Variants in CUX1 observed in about 807,000 individuals in gnomAD.
The protein encoded by CUX1 is protein CASP.
A neutral mutation model predicts 158.8 loss-of-function variants in CUX1; 31 were observed. The ratio of observed to expected loss-of-function variants is 0.20; its 90% CI spans 0.15 to 0.26. The LOEUF (loss-of-function observed/expected upper bound fraction) is 0.26, where lower values mean the gene tolerates loss of function less well. Ranked by LOEUF, CUX1 falls within the 10% of genes least tolerant of loss-of-function variation. The pLI, the probability that CUX1 is intolerant of heterozygous loss-of-function variation, is 1.00. For synonymous variants in CUX1, 879 were observed against 862.1 expected (o/e 1.02, Z -0.34); for missense variants, 1,589 against 2,014.6 (o/e 0.79, Z 4.04).
At chr7:101,973,506 A>G (rs10273297) in intron 2 of CUX1, among the ~76,000 whole-genome samples, 119 of 152,286 alleles carry the variant, frequency 7.8e-4, no homozygotes, top group African/African-American at 2.6e-3. Context: ...GAAGTCATGC[A>G]TACAGGGAAA....
At chr7:101,965,450 T>TGGGGGAA (rs762426958) in intron 2 of CUX1, among the ~76,000 whole-genome samples, 7 of 151,740 alleles carry the variant, frequency 4.6e-5, no homozygotes, top group Non-Finnish European at 7.4e-5. Context: ...GGCATGGTGG[T>TGGGGGAA]GGGGGAAGGG....
Position 102,249,907 on chromosome 7 carries a change from T to G in CUX1, c.*865T>G, listed in dbSNP as rs937564709. The G allele has an allele frequency of 5.3e-5, 52 of 985,846 alleles. No individual in the cohort carries two copies. In the African/African-American group the frequency reaches 8.7e-4, roughly 17 times the overall value. The allele number at this position is 985,846 out of a possible 1,614,324, so 61.1% of individuals were successfully genotyped here. A position where few individuals can be genotyped will look rare whatever the true frequency, so the allele number is the denominator to read the frequency against. On this transcript the variant is annotated 3_prime_UTR_variant, in exon 24 of 24. Coordinates refer to ENST00000292535, the MANE Select transcript of CUX1 (RefSeq NM_181552.4). ...GTCACATCAGGAAACTCTGATTTTG[T>G]GGTAGCTGACATAGTGTTTTCTTGT...
In CUX1 at chr7:102,216,602, A is replaced by ACTCC. The variant is rs1797142351; in HGVS notation, c.3131-10764_3131-10763insTCCC. Reference sequence around the variant, plus strand: ...CACTCTCCCACACACACACTCCCACACACACACACACACTCCCCACACACA... The same window carrying ACTCC: ...CACTCTCCCACACACACACTCCCACACTCCCACACACACACACTCCCCACACACA... On this transcript the variant is annotated intron_variant, in intron 20 of 23. Transcript: ENST00000292535. 6.8e-5 allele frequency among the ~76,000 whole-genome samples: 2 copies of ACTCC among 29,402 alleles called. 1 individual carries two copies. The highest frequency in any genetic ancestry group is 1.6e-4 in the Non-Finnish European group (2 of 12,682). The allele number at this position is 29,402 out of a possible 152,430, so 19.3% of individuals were successfully genotyped here. A position where few individuals can be genotyped will look rare whatever the true frequency, so the allele number is the denominator to read the frequency against.
intron 3 of CUX1, among the ~76,000 whole-genome samples, chr7:102,042,168 A>G (rs1318213347): frequency 2.6e-5 from 4 of 152,188 alleles, no homozygotes; most frequent in African/African-American, 4.8e-5. Context: ...AGGTTGGACC[A>G]GATCAGTGGC....
intron 14 of CUX1, among the ~76,000 whole-genome samples, chr7:102,271,472 C>T (rs918342295): frequency 6.6e-6 from 1 of 152,230 alleles, no homozygotes; most frequent in African/African-American, 2.4e-5. Context: ...TCTGCCATCC[C>T]ATCCCACAGG....
chr7:102,152,421 G>A (rs1223645853), intron 8 of CUX1, among the ~76,000 whole-genome samples: 1 of 150,876 alleles, frequency 6.6e-6, no homozygotes, highest in Admixed American at 6.6e-5. Flanking sequence ...GTTTGTTTTT[G>A]TTTGTTTGTT....
chr7:102,234,035 T>G lies in CUX1; in HGVS notation c.3434-17T>G. On this transcript the variant is annotated splice_polypyrimidine_tract_variant and intron_variant, in intron 21 of 23. Coordinates refer to ENST00000292535, the MANE Select transcript of CUX1 (RefSeq NM_181552.4). ...CTCTCGGTGACAATACCTGTCTTGC[T>G]TCTGTTTTCTCTCTAGGCCAGCGCT... 1 of 1,458,816 alleles carries G rather than the reference T, an allele frequency of 6.9e-7. No individual in the cohort carries two copies. The highest frequency in any genetic ancestry group is 9.1e-7 in the Non-Finnish European group (1 of 1,100,502). The allele number at this position is 1,458,816 out of a possible 1,614,324, so 90.4% of individuals were successfully genotyped here.
chr7:102,062,435 C>A (rs967954177), intron 3 of CUX1, among the ~76,000 whole-genome samples: 1 of 152,164 alleles, frequency 6.6e-6, no homozygotes, highest in African/African-American at 2.4e-5. Context: ...GTTTTCTAAA[C>A]CTAGACTGAG....
chr7:101,821,841 G>GTTT (rs1792644058), intron 1 of CUX1, among the ~76,000 whole-genome samples: 1 of 104,758 alleles, frequency 9.5e-6, no homozygotes, highest in African/African-American at 3.9e-5. Flanking sequence ...TGCCTGGCTA[G>GTTT]TTTTTTTGTT....
Position 102,012,924 on chromosome 7 carries a change from C to T in CUX1, c.142-15174C>T, listed in dbSNP as rs147533239. On this transcript the variant is annotated intron_variant, in intron 2 of 23. Transcript: ENST00000292535. ...TATCAAAAGCAGTCAGCACCAACCA[C>T]GGTTTTTCAGCTGATTCCCAAATGT... Among the ~76,000 whole-genome samples, 138 of 152,284 alleles carry T rather than the reference C, an allele frequency of 9.1e-4. 1 individual carries two copies. Among genetic ancestry groups the T allele is most frequent in the African/African-American group, 3.0e-3 (124 of 41,554 alleles).
intron 8 of CUX1, among the ~76,000 whole-genome samples, chr7:102,116,195 C>T (rs1215654422): frequency 6.6e-6 from 1 of 152,182 alleles, no homozygotes; most frequent in East Asian, 1.9e-4. Context: ...TCTGCCCCAT[C>T]TCACGTGACC....
chr7:101,859,482 C>T (rs192236480), intron 1 of CUX1, among the ~76,000 whole-genome samples: 1 of 152,310 alleles, frequency 6.6e-6, no homozygotes, highest in East Asian at 1.9e-4. Context: ...TTTCCTACCG[C>T]CTCAAGCTTC....
At chr7:101,965,599 G>A (rs1811081884) in intron 2 of CUX1, among the ~76,000 whole-genome samples, 1 of 152,010 alleles carries the variant, frequency 6.6e-6, no homozygotes, top group South Asian at 2.1e-4. Context: ...TGTAATCCCA[G>A]CACTTTGGGA....
At chr7:102,174,166 G>A (rs1247777881) in intron 10 of CUX1, among the ~76,000 whole-genome samples, 1 of 152,038 alleles carries the variant, frequency 6.6e-6, no homozygotes, top group Non-Finnish European at 1.5e-5. Context: ...GTCACCCAGG[G>A]TGGAGTGCAG....
At chr7:101,945,044 G>A (rs1181001183) in intron 2 of CUX1, among the ~76,000 whole-genome samples, 1 of 152,174 alleles carries the variant, frequency 6.6e-6, no homozygotes, top group Non-Finnish European at 1.5e-5. Context: ...TGTCACCCCA[G>A]GGTGCCACCC....
intron 1 of CUX1, among the ~76,000 whole-genome samples, chr7:101,864,401 A>T (rs1184899621): frequency 1.3e-5 from 2 of 151,938 alleles, no homozygotes; most frequent in Non-Finnish European, 2.9e-5. Flanking sequence ...AGCTCAAGCG[A>T]TCCTGCTGCC....
At chr7:102,160,056 C>T (rs1790264989) in intron 9 of CUX1, among the ~76,000 whole-genome samples, 1 of 152,002 alleles carries the variant, frequency 6.6e-6, no homozygotes, top group African/African-American at 2.4e-5. Flanking sequence ...TGACATGCAC[C>T]TGTCATCCCA....
intron 8 of CUX1, among the ~76,000 whole-genome samples, chr7:102,147,076 T>G (rs1308907720): frequency 1.3e-5 from 2 of 152,118 alleles, no homozygotes; most frequent in Non-Finnish European, 2.9e-5. Flanking sequence ...GAAGGTTATC[T>G]GTAGGGATAA....
chr7:101,975,256 G>GA (rs1201134721), intron 2 of CUX1, among the ~76,000 whole-genome samples: 53 of 143,308 alleles, frequency 3.7e-4, no homozygotes, highest in East Asian at 4.0e-4. Flanking sequence ...GTCTCAAAAG[G>GA]AAAAAAAAAG....
Sources: gnomAD v4.1 joint callset for allele counts (sites outside exome capture counted in the v4.1 genomes callset) on GRCh38, gnomAD v4.1.1 for gene constraint, MANE v1.5 for transcripts, NCBI Gene and HGNC (gene_info 2026-07-23, HGNC 2026-07-21) for gene names.